The following ATP6V0A4 variants were observed in gnomAD, a reference collection of about 807,000 sequenced individuals.
The protein encoded by ATP6V0A4 is ATPase H+ transporting V0 subunit a4.
In ATP6V0A4, 86 loss-of-function variants were observed where a neutral mutation model predicts 107.3. The ratio of observed to expected loss-of-function variants is 0.80; its 90% CI spans 0.67 to 0.96. ATP6V0A4 has a LOEUF of 0.96. Ranked by LOEUF, ATP6V0A4 falls within the 40% of genes least tolerant of loss-of-function variation. The pLI is 0.00. For synonymous variants in ATP6V0A4, 353 were observed against 381.4 expected (o/e 0.93, Z 0.87); for missense variants, 908 against 1,045.6 (o/e 0.87, Z 1.81).
intron 2 of ATP6V0A4, among the ~76,000 whole-genome samples, chr7:138,785,600 G>A (rs943370459): frequency 1.3e-5 from 2 of 152,026 alleles, no homozygotes; most frequent in African/African-American, 4.8e-5. Context: ...CTTCTTCACT[G>A]TTGGCCAGGC....
chr7:138,740,930 G>T (rs908282843), intron 14 of ATP6V0A4, among the ~76,000 whole-genome samples: 3 of 151,268 alleles, frequency 2.0e-5, no homozygotes, highest in Admixed American at 6.6e-5. Flanking sequence ...ATCACTTGAG[G>T]TCAGGAGTTC....
intron 1 of ATP6V0A4, among the ~76,000 whole-genome samples, chr7:138,790,207 T>C (rs1808346172): frequency 6.6e-6 from 1 of 152,162 alleles, no homozygotes; most frequent in Non-Finnish European, 1.5e-5. Context: ...GACATAAAGA[T>C]TTATATCCTG....
chr7:138,797,925 C>T lies in ATP6V0A4; in HGVS notation c.-121+109G>A, dbSNP rs1236629219. 4.0e-6 allele frequency: 6 copies of T among 1,485,776 alleles called. No homozygotes were observed. The African/African-American group carries it at 6.9e-5, about 17-fold the overall frequency. The allele number at this position is 1,485,776 out of a possible 1,614,324, so 92.0% of individuals were successfully genotyped here. The stretch of plus-strand genomic sequence containing the variant: ...TCTAGAGAGGTGAGAGAAGGTGTGA[C>T]AGGCCAAGTTTCCTTTGCTCCACCC... On this transcript the variant is annotated intron_variant, in intron 1 of 21. Coordinates refer to ENST00000310018, the MANE Select transcript of ATP6V0A4 (RefSeq NM_020632.3).
At chr7:138,737,578 T>A (rs1214083243) in intron 15 of ATP6V0A4, among the ~76,000 whole-genome samples, 2 of 83,156 alleles carry the variant, frequency 2.4e-5, no homozygotes, top group South Asian at 7.7e-4. Flanking sequence ...CTTTTCTTTT[T>A]CTTTTTTTTT....
intron 19 of ATP6V0A4, among the ~76,000 whole-genome samples, chr7:138,720,996 T>C (rs567033606): frequency 9.2e-5 from 14 of 152,274 alleles, no homozygotes; most frequent in African/African-American, 3.4e-4. Flanking sequence ...ATTTATAGCA[T>C]CTGTGGCCCT....
intron 8 of ATP6V0A4, among the ~76,000 whole-genome samples, chr7:138,757,568 C>T (rs756170143): frequency 6.6e-6 from 1 of 152,086 alleles, no homozygotes; most frequent in African/African-American, 2.4e-5. Context: ...AAAGTTATGA[C>T]AAATCCAATA....
At chr7:138,745,092 G>A (rs750272075) in intron 14 of ATP6V0A4, 31 bp downstream of exon 14, 1 of 1,587,684 alleles carries the variant, frequency 6.3e-7, no homozygotes, top group Non-Finnish European at 8.6e-7. Flanking sequence ...TGGATGGCCA[G>A]CGACTACACC....
rs1274092641 is a variant in ATP6V0A4, at chr7:138,777,631, A to ACAC, written c.-17-6368_-17-6367insGTG. On this transcript the variant is annotated intron_variant, in intron 2 of 21. Transcript: ENST00000310018. Reference sequence around the variant, plus strand: ...ACTCCGTCTCAAAAAAAAAAAAAAAAATACACACACACACACACACACACA... The same window carrying ACAC: ...ACTCCGTCTCAAAAAAAAAAAAAAAACACATACACACACACACACACACACACA... Among the ~76,000 whole-genome samples, 301 of 119,806 alleles carry ACAC rather than the reference A, an allele frequency of 2.5e-3. 2 individuals carry two copies. Among genetic ancestry groups the ACAC allele is most frequent in the African/African-American group, 9.6e-3 (271 of 28,358 alleles). The allele number at this position is 119,806 out of a possible 152,430, so 78.6% of individuals were successfully genotyped here.
chr7:138,733,198 T>G, intron 16 of ATP6V0A4, 105 bp from the exon 17 acceptor site: 1 of 1,540,594 alleles, frequency 6.5e-7, no homozygotes, highest in Non-Finnish European at 8.7e-7. Context: ...TATCTTTTTT[T>G]TTTTTGCACT....
intron 17 of ATP6V0A4, among the ~76,000 whole-genome samples, chr7:138,730,174 G>A (rs570413684): frequency 1.1e-4 from 17 of 152,296 alleles, no homozygotes; most frequent in East Asian, 3.9e-4. Flanking sequence ...ATGAGCCGCC[G>A]CGCCTGGCCT....
At chr7:138,796,651 T>C (rs568318971) in intron 1 of ATP6V0A4, among the ~76,000 whole-genome samples, 1 of 148,246 alleles carries the variant, frequency 6.7e-6, no homozygotes, top group African/African-American at 2.5e-5. Flanking sequence ...CAAATGTCAC[T>C]TTCTCTGTGA....
At position 138,721,986 on chromosome 7, in the gene ATP6V0A4, T is replaced by C. The variant is rs1804446457; in HGVS notation, c.2050A>G (p.Ile684Val). ...GAAGGGCTGGAGCTATCACCTTCAATGTTCTCAGTGGCATCTTCTTGGATC... is the reference window on the plus strand; with the variant it reads ...GAAGGGCTGGAGCTATCACCTTCAACGTTCTCAGTGGCATCTTCTTGGATC... ...SRIQEDATEN[I>V]EGDSSSPSSR... Residue 684 changes from isoleucine to valine, a missense_variant, in exon 19 of 22, where the codon ATT (isoleucine) becomes GTT (valine). Ile to Val is a conservative substitution (Grantham distance 29). Coordinates refer to ENST00000310018, the MANE Select transcript of ATP6V0A4 (RefSeq NM_020632.3). 6.2e-7 allele frequency: 1 copy of C among 1,614,078 alleles called. No individual in the cohort carries two copies. The highest frequency in any genetic ancestry group is 1.3e-5 in the African/African-American group (1 of 74,934).
chr7:138,745,397 C>T, intron 13 of ATP6V0A4, 117 bp from the exon 14 acceptor site: 1 of 1,462,668 alleles, frequency 6.8e-7, no homozygotes, highest in Non-Finnish European at 9.5e-7. Flanking sequence ...GGGGGAGCCA[C>T]ATGACCACAG....
At chr7:138,739,692 A>G (rs897328381) in intron 14 of ATP6V0A4, 59 bp from the exon 15 acceptor site, 45 of 1,602,288 alleles carry the variant, frequency 2.8e-5, no homozygotes, top group South Asian at 2.8e-4. Context: ...AAAAGATACT[A>G]TAATACCACC....
intron 13 of ATP6V0A4, among the ~76,000 whole-genome samples, chr7:138,745,962 A>ATATATATATATAT (rs1195420210): frequency 9.1e-5 from 6 of 65,648 alleles, no homozygotes; most frequent in African/African-American, 2.7e-4. Context: ...AAAAAAAAAA[A>ATATATATATATAT]ATATATATAT....
At chr7:138,749,424 T>C in intron 11 of ATP6V0A4, 107 bp from the exon 12 acceptor site, 1 of 1,316,490 alleles carries the variant, frequency 7.6e-7, no homozygotes, top group South Asian at 1.3e-5. Context: ...CTGAGCGAAC[T>C]TGGGGCAATC....
chr7:138,783,563 G>A lies in ATP6V0A4; in HGVS notation c.-18+2595C>T, dbSNP rs1035853786. ...CAGCATAGTGAGAAATCATCTCTAC[G>A]AAAAATTTAAAAATTAGCCAGGCAG... On this transcript the variant is annotated intron_variant, in intron 2 of 21. Transcript: ENST00000310018. Among the ~76,000 whole-genome samples the A allele has an allele frequency of 4.1e-4, 63 of 151,852 alleles. 1 individual carries two copies. The highest frequency in any genetic ancestry group is 1.4e-3 in the African/African-American group (59 of 41,328).
intron 5 of ATP6V0A4, among the ~76,000 whole-genome samples, chr7:138,765,137 A>C (rs1251447169): frequency 6.6e-6 from 1 of 152,078 alleles, no homozygotes; most frequent in Non-Finnish European, 1.5e-5. Flanking sequence ...TAATCCTGTA[A>C]ATGTTAGCTC....
chr7:138,730,386 G>GT (rs1194328965), intron 17 of ATP6V0A4, among the ~76,000 whole-genome samples: 5 of 149,576 alleles, frequency 3.3e-5, no homozygotes, highest in South Asian at 4.2e-4. Flanking sequence ...GTGTGTGTGT[G>GT]GCTATCCTTT....
Sources: allele counts gnomAD v4.1 joint callset (sites outside exome capture counted in the v4.1 genomes callset), GRCh38; gene constraint gnomAD v4.1.1; transcripts MANE v1.5; gene names NCBI Gene and HGNC (gene_info 2026-07-23, HGNC 2026-07-21).